PHKA2: variants seen among roughly 807,000 people sequenced by gnomAD.
PHKA2 encodes phosphorylase kinase regulatory subunit alpha 2.
In PHKA2, 31 loss-of-function variants were observed where a neutral mutation model predicts 102.0. That is an observed-to-expected ratio of 0.30 (90% CI 0.23 to 0.41). PHKA2 has a LOEUF of 0.41. Ranked by LOEUF, PHKA2 falls within the 10% of genes least tolerant of loss-of-function variation. PHKA2 has a pLI of 1.00. For missense variants in PHKA2, 858 were observed against 1,023.1 expected, an observed-to-expected ratio of 0.84 and a Z score of 2.20; for synonymous variants, 455 against 416.2, an observed-to-expected ratio of 1.09 and a Z score of -1.13.
chrX:18,973,783 C>T (rs2049049102), intron 1 of PHKA2, among the ~76,000 whole-genome samples: 1 of 112,486 alleles, frequency 8.9e-6, no homozygotes, highest in Non-Finnish European at 1.9e-5. Context: ...AGGGTGCACC[C>T]ATGCAGCTAA....
chrX:18,931,861 A>G, intron 11 of PHKA2, 113 bp from the exon 12 acceptor site: 1 of 596,347 alleles, frequency 1.7e-6, no homozygotes, highest in Non-Finnish European at 2.9e-6. Flanking sequence ...CTCCAGGCCA[A>G]TTCTGTGCAG....
intron 29 of PHKA2, 58 bp from the exon 30 acceptor site, chrX:18,897,391 T>C: frequency 8.9e-7 from 1 of 1,125,516 alleles, no homozygotes; most frequent in Non-Finnish European, 1.2e-6. Context: ...CCAGGGAAAG[T>C]GCGCCATCTC....
At chrX:18,946,647 G>GCC (rs1223530436) in intron 5 of PHKA2, among the ~76,000 whole-genome samples, 1 of 109,273 alleles carries the variant, frequency 9.2e-6, no homozygotes, top group Admixed American at 9.9e-5. Flanking sequence ...GCACCCCCTA[G>GCC]CCCACCCAGC....
At chrX:18,962,450 C>T (rs769598604) in intron 1 of PHKA2, among the ~76,000 whole-genome samples, 11 of 111,791 alleles carry the variant, frequency 9.8e-5, no homozygotes, top group Non-Finnish European at 1.9e-4. Context: ...AGCCATCACT[C>T]CCACATTTGA....
chrX:18,969,804 T>A (rs1340154616), intron 1 of PHKA2, among the ~76,000 whole-genome samples: 1 of 112,544 alleles, frequency 8.9e-6, no homozygotes, highest in Non-Finnish European at 1.9e-5. Flanking sequence ...TCCATGTTTT[T>A]AAAATTTTTA....
At chrX:18,908,337 C>G (rs2047860870) in intron 21 of PHKA2, among the ~76,000 whole-genome samples, 1 of 112,537 alleles carries the variant, frequency 8.9e-6, no homozygotes, top group Admixed American at 9.4e-5. Flanking sequence ...TCCTGGGTAA[C>G]TGGGGTGAAT....
chrX:18,893,603 C>A lies in PHKA2; in HGVS notation c.3590G>T (p.Cys1197Phe), dbSNP rs1569286164. ...CGGAGCGCTGTCATAAAAGAAGTGG[C>A]AGATTCCTGTGGCTTGGTCTTTCTC... ...TLEKDQATGI[C>F]HFFYDSAPSG... The change falls in exon 33 of 33, where the codon TGC becomes TTC. Residue 1197 changes from cysteine (C) to phenylalanine (F), a missense_variant. Cys to Phe is a radical substitution (Grantham distance 205). Around this residue, in one of 2 missense-constraint regions of PHKA2, gnomAD observed 671 missense variants for 745.2 expected, o/e 0.90. Coordinates refer to ENST00000379942, the MANE Select transcript of PHKA2 (RefSeq NM_000292.3). 1 of 1,211,711 alleles carries A rather than the reference C, an allele frequency of 8.3e-7. No homozygotes were observed. The highest frequency in any genetic ancestry group is 1.1e-6 in the Non-Finnish European group (1 of 895,129).
chrX:18,897,702 T>G (rs1360950816), intron 29 of PHKA2: 1 of 234,984 alleles, frequency 4.3e-6, no homozygotes, highest in Non-Finnish European at 7.7e-6. Flanking sequence ...CGTCTGGCCC[T>G]GCCATGAACA....
chrX:18,972,080 T>C (rs1191558899), intron 1 of PHKA2, among the ~76,000 whole-genome samples: 1 of 112,960 alleles, frequency 8.9e-6, no homozygotes, highest in African/African-American at 3.2e-5. Context: ...AGTGTTCTAT[T>C]TTAAGTTTTA....
intron 13 of PHKA2, 34 bp from the exon 14 acceptor site, chrX:18,926,621 A>G (rs1243227942): frequency 1.7e-6 from 2 of 1,192,434 alleles, no homozygotes; most frequent in African/African-American, 1.8e-5. Context: ...GCGTTAGCTC[A>G]TGACTCTTGT....
In PHKA2 at chrX:18,974,864, C is replaced by T. The variant is rs958296371; in HGVS notation, c.78+8991G>A. ...ACTTTGAGGGGACACTGACCCTTGG[C>T]TGCTTTTCCTGCTACTTCCCTGATG... On this transcript the variant is annotated intron_variant, in intron 1 of 32. Coordinates refer to ENST00000379942, the MANE Select transcript of PHKA2 (RefSeq NM_000292.3). Among the ~76,000 whole-genome samples, 3 of 111,665 alleles carry T rather than the reference C, an allele frequency of 2.7e-5. No individual in the cohort carries two copies. In the East Asian group the frequency reaches 8.4e-4, roughly 31 times the overall value.
At chrX:18,976,399 C>G (rs1220724347) in intron 1 of PHKA2, among the ~76,000 whole-genome samples, 2 of 111,879 alleles carry the variant, frequency 1.8e-5, no homozygotes, top group Non-Finnish European at 3.8e-5. Context: ...GGTTACAGGT[C>G]TAATCAGGAT....
chrX:18,981,756 C>T (rs1601813425), intron 1 of PHKA2, among the ~76,000 whole-genome samples: 1 of 111,200 alleles, frequency 9.0e-6, no homozygotes, highest in East Asian at 2.8e-4. Context: ...AACGTGTGGC[C>T]TCTATCAAAA....
chrX:18,939,979 A>T lies in PHKA2; in HGVS notation c.918+16T>A. 1 of 1,106,184 alleles carries T rather than the reference A, an allele frequency of 9.0e-7. No individual in the cohort carries two copies. The highest frequency in any genetic ancestry group is 1.3e-6 in the Non-Finnish European group (1 of 799,085). The allele number at this position is 1,106,184 out of a possible 1,213,427, so 91.2% of individuals were successfully genotyped here. A position where few individuals can be genotyped will look rare whatever the true frequency, so the allele number is the denominator to read the frequency against. On this transcript the variant is annotated intron_variant, in intron 9 of 32. Coordinates refer to ENST00000379942, the MANE Select transcript of PHKA2 (RefSeq NM_000292.3). ...AAACAGTTGAGGAAAGATAAGAAAC[A>T]ATATTTAAATACAACCTCTCTTGGA...
intron 1 of PHKA2, among the ~76,000 whole-genome samples, chrX:18,958,588 T>A (rs2048818645): frequency 9.6e-6 from 1 of 104,021 alleles, no homozygotes; most frequent in Non-Finnish European, 2.0e-5. Flanking sequence ...TTTTTATTTT[T>A]AAAATTTTTA....
rs146763872 is a variant in PHKA2, at chrX:18,917,873, C to T, written c.2137+808G>A. On this transcript the variant is annotated intron_variant, in intron 19 of 32. Transcript: ENST00000379942. Reference sequence around the variant, plus strand: ...GGCAGAGGGCAGTGCAGTTCAAAAACAAGTAAGTCGAGAGCTGTCACCACC... The same window carrying T: ...GGCAGAGGGCAGTGCAGTTCAAAAATAAGTAAGTCGAGAGCTGTCACCACC... Among the ~76,000 whole-genome samples the T allele has an allele frequency of 5.7e-3, 628 of 110,353 alleles. 4 individuals are homozygous for T. The highest frequency in any genetic ancestry group is 0.02 in the African/African-American group (596 of 30,232).
At chrX:18,896,642 G>C (rs939561729) in intron 30 of PHKA2, 1 of 168,875 alleles carries the variant, frequency 5.9e-6, no homozygotes, top group Non-Finnish European at 1.1e-5. Flanking sequence ...CTGCCTGGAT[G>C]TGCGGGAGGC....
intron 20 of PHKA2, among the ~76,000 whole-genome samples, chrX:18,909,786 T>C (rs1348205237): frequency 1.8e-5 from 2 of 112,503 alleles, no homozygotes; most frequent in Non-Finnish European, 3.8e-5. Flanking sequence ...TGCTTTTTCT[T>C]GCAGATGCCT....
intron 2 of PHKA2, 83 bp downstream of exon 2, chrX:18,954,171 A>C: frequency 9.9e-7 from 1 of 1,009,748 alleles, no homozygotes; most frequent in Non-Finnish European, 1.4e-6. Context: ...ACAGTTCTGC[A>C]CACACAGCTA....
Sources: allele counts gnomAD v4.1 joint callset (sites outside exome capture counted in the v4.1 genomes callset), GRCh38; gene constraint gnomAD v4.1.1; regional missense constraint gnomAD v4.1.1; transcripts MANE v1.5; gene names NCBI Gene and HGNC (gene_info 2026-07-23, HGNC 2026-07-21).